Variants in RASEF observed in about 807,000 individuals in gnomAD.
RASEF encodes the protein ras and EF-hand domain-containing protein.
RASEF carries 68 observed loss-of-function variants against 90.1 expected under a neutral mutation model. That is an observed-to-expected ratio of 0.75 (90% CI 0.62 to 0.92). The LOEUF (loss-of-function observed/expected upper bound fraction) is 0.92. Ranked by LOEUF, RASEF falls within the 40% of genes least tolerant of loss-of-function variation. The pLI, the probability that RASEF is intolerant of heterozygous loss-of-function variation, is 0.00. For missense variants in RASEF, 949 were observed against 937.2 expected (o/e 1.01, Z -0.16); for synonymous variants, 331 against 345.2 (o/e 0.96, Z 0.46).
At chr9:83,030,061 G>A (rs1261720962) in intron 1 of RASEF, among the ~76,000 whole-genome samples, 3 of 152,184 alleles carry the variant, frequency 2.0e-5, no homozygotes, top group Non-Finnish European at 4.4e-5. Flanking sequence ...CTGTCAGGGT[G>A]TCATTAAGAT....
At chr9:83,121,122 A>G in the RASEF span, among the ~76,000 whole-genome samples, 2 of 152,236 alleles carry the variant, frequency 1.3e-5, no homozygotes, top group Non-Finnish European at 2.9e-5. Context: ...AAGGAGTGCA[A>G]TTAAATCTTG....
At chr9:83,188,538 G>T in the RASEF span, among the ~76,000 whole-genome samples, 1 of 152,196 alleles carries the variant, frequency 6.6e-6, no homozygotes, top group Non-Finnish European at 1.5e-5. Context: ...TGAGAAATCG[G>T]CATCTCTATT....
the RASEF span, among the ~76,000 whole-genome samples, chr9:83,127,751 T>C: frequency 6.6e-6 from 1 of 152,128 alleles, no homozygotes; most frequent in Non-Finnish European, 1.5e-5. Context: ...TGAAACAGGA[T>C]ATTAACCACA....
the RASEF span, among the ~76,000 whole-genome samples, chr9:83,112,828 TG>T: frequency 9.5e-3 from 1,453 of 152,314 alleles, 12 homozygotes; most frequent in Middle Eastern, 0.054. Context: ...TGGGTTTTTT[TG>T]TTTTTTGTTT....
chr9:83,062,632 C>T lies in RASEF; in HGVS notation c.236G>A (p.Arg79Gln), dbSNP rs1830231862. 3 of 1,553,354 alleles carry T rather than the reference C, an allele frequency of 1.9e-6. No homozygotes were observed. The highest frequency in any genetic ancestry group is 1.4e-5 in the African/African-American group (1 of 73,472). ...RGFLGSLRGG[R>Q]RRDWGPLDPA... ...ATCCAGAGGACCCCAGTCCCGGCGC[C>T]GCCCCCCGCGGAGGGACCCGAGGAA... The change falls in exon 1 of 17, where the codon CGG becomes CAG. Residue 79 changes from arginine (R) to glutamine (Q), a missense_variant. Transcript: ENST00000376447.
Position 83,062,918 on chromosome 9 carries a change from G to A in RASEF, c.-51C>T, listed in dbSNP as rs1321314571. 27 of 1,381,878 alleles carry A rather than the reference G, an allele frequency of 2.0e-5. No individual in the cohort carries two copies. The highest frequency in any genetic ancestry group is 2.5e-5 in the Non-Finnish European group (27 of 1,078,752). 85.6% of individuals were successfully genotyped at this position (1,381,878 alleles called of 1,614,324 possible). A position where few individuals can be genotyped will look rare whatever the true frequency, so the allele number is the denominator to read the frequency against. On this transcript the variant is annotated 5_prime_UTR_variant, in exon 1 of 17. Coordinates refer to ENST00000376447, the MANE Select transcript of RASEF (RefSeq NM_152573.4). ...GGCTCCGGAGCGCCGCGGGGCGCAGGGCCCTCCCTGGAAGGACGGGGCCAC... is the reference window on the plus strand; with the variant it reads ...GGCTCCGGAGCGCCGCGGGGCGCAGAGCCCTCCCTGGAAGGACGGGGCCAC...
At chr9:83,141,980 C>A in the RASEF span, among the ~76,000 whole-genome samples, 2 of 152,094 alleles carry the variant, frequency 1.3e-5, no homozygotes, top group Non-Finnish European at 2.9e-5. Context: ...TATGCCAATA[C>A]AACTGTTTTT....
rs150221272 is a variant in RASEF at position 82,982,750 on chromosome 9, C to T, written c.2150G>A (p.Ser717Asn). The T allele has an allele frequency of 1.1e-4, 169 of 1,607,310 alleles. No homozygotes were observed. The highest frequency in any genetic ancestry group is 1.4e-4 in the Non-Finnish European group (160 of 1,173,940). Reference sequence around the variant, plus strand: ...CCCGGTTAGATTGGTAATGGATCTGCTGTCATCCTTGTCAGTTCTCTTTTT... The same window carrying T: ...CCCGGTTAGATTGGTAATGGATCTGTTGTCATCCTTGTCAGTTCTCTTTTT... ...EVKKRTDKDD[S>N]RSITNLTGTN... The change falls in exon 17 of 17, where the codon AGC becomes AAC. Residue 717 changes from serine (S) to asparagine (N), a missense_variant. Physicochemically the swap from Ser to Asn is conservative, Grantham distance 46. Around this residue, in one of 3 missense-constraint regions of RASEF, gnomAD observed 288 missense variants for 328.4 expected, o/e 0.88. Transcript: ENST00000376447.
the RASEF span, among the ~76,000 whole-genome samples, chr9:83,123,850 C>T: frequency 6.6e-6 from 1 of 152,196 alleles, no homozygotes; most frequent in Non-Finnish European, 1.5e-5. Flanking sequence ...TTTAAGTGTA[C>T]AGTTCGGTGG....
the RASEF span, among the ~76,000 whole-genome samples, chr9:83,138,666 CCTATTT>C: frequency 6.6e-6 from 1 of 152,080 alleles, no homozygotes; most frequent in Non-Finnish European, 1.5e-5. Context: ...TGGCTATTTT[CCTATTT>C]GAAAGACAGC....
chr9:83,060,443 A>G (rs529929189), intron 1 of RASEF, among the ~76,000 whole-genome samples: 1 of 152,170 alleles, frequency 6.6e-6, no homozygotes, highest in Non-Finnish European at 1.5e-5. Flanking sequence ...TGTTTCATCC[A>G]CACCATGAGC....
chr9:82,984,487 T>C (rs1276131837), intron 16 of RASEF, among the ~76,000 whole-genome samples: 1 of 152,194 alleles, frequency 6.6e-6, no homozygotes, highest in Non-Finnish European at 1.5e-5. Flanking sequence ...ATTCTAGCTA[T>C]AGGACAGCTG....
chr9:82,982,921 T>G (rs895425636), intron 16 of RASEF, 139 bp from the exon 17 acceptor site: 1 of 627,616 alleles, frequency 1.6e-6, no homozygotes, highest in Non-Finnish European at 2.9e-6. Context: ...TTATAGACAT[T>G]GTTTTAATGC....
chr9:83,039,235 C>G (rs1269061547), intron 1 of RASEF, among the ~76,000 whole-genome samples: 1 of 152,112 alleles, frequency 6.6e-6, no homozygotes, highest in Non-Finnish European at 1.5e-5. Context: ...AGGGAAATCC[C>G]TCCCCTCCTA....
the RASEF span, among the ~76,000 whole-genome samples, chr9:83,185,593 G>A: frequency 6.6e-6 from 1 of 152,032 alleles, no homozygotes; most frequent in African/African-American, 2.4e-5. Flanking sequence ...TGTGTAACCT[G>A]CAGTCTGATG....
intron 3 of RASEF, among the ~76,000 whole-genome samples, chr9:83,017,567 A>C (rs1829366981): frequency 6.6e-6 from 1 of 152,182 alleles, no homozygotes; most frequent in African/African-American, 2.4e-5. Flanking sequence ...TTTCATTCCC[A>C]ACCTGCGACA....
intron 1 of RASEF, among the ~76,000 whole-genome samples, chr9:83,053,002 G>GA (rs1830046388): frequency 8.4e-6 from 1 of 119,406 alleles, no homozygotes; most frequent in Admixed American, 8.4e-5. Context: ...GTGTGGTGCT[G>GA]AAAAAAATGT....
chr9:83,217,079 T>C, the RASEF span, among the ~76,000 whole-genome samples: 1 of 152,106 alleles, frequency 6.6e-6, no homozygotes, highest in African/African-American at 2.4e-5. Context: ...GGAGATCATT[T>C]TGGAACTTTA....
intron 5 of RASEF, among the ~76,000 whole-genome samples, chr9:83,010,026 G>A (rs890313184): frequency 6.6e-6 from 1 of 152,130 alleles, no homozygotes; most frequent in African/African-American, 2.4e-5. Flanking sequence ...GGTTTATCAT[G>A]ATGTATTTCA....
Sources: gnomAD v4.1 joint callset for allele counts (sites outside exome capture counted in the v4.1 genomes callset) on GRCh38, gnomAD v4.1.1 for gene constraint, gnomAD v4.1.1 regional missense constraint, MANE v1.5 for transcripts, NCBI Gene and HGNC (gene_info 2026-07-23, HGNC 2026-07-21) for gene names.